LINC00305: variants seen among roughly 807,000 people sequenced by gnomAD.
LINC00305 encodes the protein long intergenic non-protein coding RNA 305.
chr18:64,131,214 A>G (rs1251309285), intron 1 of LINC00305, among the ~76,000 whole-genome samples: 1 of 152,222 alleles, frequency 6.6e-6, no homozygotes, highest in Admixed American at 6.5e-5. Flanking sequence ...AAACAACTTG[A>G]ATAATATTCA....
chr18:64,084,316 T>C (rs990409070), intron 3 of LINC00305, among the ~76,000 whole-genome samples: 1 of 152,160 alleles, frequency 6.6e-6, no homozygotes, highest in East Asian at 1.9e-4. Context: ...TTAAGCTGTA[T>C]GCAGTGAGTA....
chr18:64,101,693 GCTT>G (rs2051268504), intron 1 of LINC00305, among the ~76,000 whole-genome samples: 1 of 152,114 alleles, frequency 6.6e-6, no homozygotes, highest in Non-Finnish European at 1.5e-5. Context: ...TGGGTGGAAA[GCTT>G]CTTCTGGAAG....
chr18:64,129,701 T>A (rs570487989), intron 1 of LINC00305, among the ~76,000 whole-genome samples: 1 of 152,166 alleles, frequency 6.6e-6, no homozygotes, highest in Non-Finnish European at 1.5e-5. Flanking sequence ...ATATCCATTA[T>A]AATATTATTC....
At chr18:64,095,095 A>G (rs535489643) in intron 3 of LINC00305, among the ~76,000 whole-genome samples, 2 of 152,212 alleles carry the variant, frequency 1.3e-5, no homozygotes, top group South Asian at 4.1e-4. Flanking sequence ...CTTTACTAAA[A>G]GGGCAAAGCA....
intron 1 of LINC00305, among the ~76,000 whole-genome samples, chr18:64,100,067 A>C (rs961866586): frequency 3.3e-5 from 5 of 152,194 alleles, no homozygotes; most frequent in African/African-American, 9.7e-5. Context: ...TTTTTAAAGA[A>C]AGACTTAATA....
intron 3 of LINC00305, among the ~76,000 whole-genome samples, chr18:64,092,861 G>T (rs995203494): frequency 7.9e-5 from 12 of 152,148 alleles, no homozygotes; most frequent in African/African-American, 2.9e-4. Flanking sequence ...ATGTACTTGG[G>T]GTGATTTTGA....
At chr18:64,143,576 G>GTATATGTACATA (rs1568120078) in intron 1 of LINC00305, among the ~76,000 whole-genome samples, 1 of 17,398 alleles carries the variant, frequency 5.7e-5, no homozygotes. Context: ...ATACACATAT[G>GTATATGTACATA]TATATGTACA....
Position 64,089,435 on chromosome 18 carries a change from G to A in LINC00305, n.540+8399C>T, listed in dbSNP as rs181935488. On this transcript the variant is annotated intron_variant and non_coding_transcript_variant, in intron 3 of 3. Coordinates refer to ENST00000666468, the Ensembl canonical transcript of LINC00305. ...ATCCAGTCTCAGGTAGTATATAGCA[G>A]TGTGAAAATGGACTAATACAGAGAC... is the stretch of plus-strand genomic sequence containing the variant. Among the ~76,000 whole-genome samples, 9 of 152,292 alleles carry A rather than the reference G, an allele frequency of 5.9e-5. 1 individual carries two copies. Among genetic ancestry groups the A allele is most frequent in the African/African-American group, 2.2e-4 (9 of 41,562 alleles).
intron 1 of LINC00305, among the ~76,000 whole-genome samples, chr18:64,140,659 T>C (rs1273089640): frequency 6.6e-6 from 1 of 152,182 alleles, no homozygotes; most frequent in East Asian, 1.9e-4. Context: ...GCCTGAGACA[T>C]CCACGTGGTC....
chr18:64,088,274 T>C (rs2051211932), intron 3 of LINC00305, among the ~76,000 whole-genome samples: 1 of 152,232 alleles, frequency 6.6e-6, no homozygotes, highest in Non-Finnish European at 1.5e-5. Flanking sequence ...GACCAATAAT[T>C]TCATATGACC....
At chr18:64,125,679 C>A (rs1187003371) in intron 1 of LINC00305, among the ~76,000 whole-genome samples, 4 of 152,122 alleles carry the variant, frequency 2.6e-5, no homozygotes, top group Admixed American at 6.6e-5. Flanking sequence ...TTTCCTCAAT[C>A]CTTTTACAGT....
intron 1 of LINC00305, among the ~76,000 whole-genome samples, chr18:64,123,628 T>A (rs893806916): frequency 6.6e-6 from 1 of 152,074 alleles, no homozygotes; most frequent in African/African-American, 2.4e-5. Context: ...TATTTTTTTT[T>A]AAGAATGCTC....
intron 1 of LINC00305, chr18:64,098,732 C>G (rs2051256842): frequency 2.8e-6 from 1 of 351,434 alleles, no homozygotes; most frequent in Non-Finnish European, 5.6e-6. Flanking sequence ...AAAAGTCCCC[C>G]ATTCTTCTGT....
intron 1 of LINC00305, among the ~76,000 whole-genome samples, chr18:64,106,559 C>T (rs867507992): frequency 6.6e-6 from 1 of 152,150 alleles, no homozygotes; most frequent in South Asian, 2.1e-4. Flanking sequence ...TGGGTTCTAT[C>T]ATGACACTTG....
At chr18:64,081,709 A>C (rs558059664) in intron 3 of LINC00305, among the ~76,000 whole-genome samples, 2 of 152,226 alleles carry the variant, frequency 1.3e-5, no homozygotes, top group South Asian at 2.1e-4. Context: ...TAAGTACTTA[A>C]GAAGTTCAAT....
chr18:64,086,213 A>T (rs1457825102), intron 3 of LINC00305, among the ~76,000 whole-genome samples: 1 of 152,218 alleles, frequency 6.6e-6, no homozygotes, highest in African/African-American at 2.4e-5. Flanking sequence ...GTCATAATAA[A>T]TATAACTATT....
At chr18:64,097,802 A>G (rs1311100001) in intron 3 of LINC00305, 2 of 448,076 alleles carry the variant, frequency 4.5e-6, no homozygotes, top group East Asian at 1.4e-4. Context: ...ATAACTTAAA[A>G]AACTTTTTGT....
intron 1 of LINC00305, among the ~76,000 whole-genome samples, chr18:64,124,777 C>T (rs547164561): frequency 3.9e-5 from 6 of 152,004 alleles, no homozygotes; most frequent in Non-Finnish European, 7.4e-5. Flanking sequence ...TCACATCTAC[C>T]TTTGTGAGGT....
intron 1 of LINC00305, among the ~76,000 whole-genome samples, chr18:64,145,993 C>G (rs2051496034): frequency 6.6e-6 from 1 of 151,834 alleles, no homozygotes; most frequent in Non-Finnish European, 1.5e-5. Context: ...ACTTATTAGT[C>G]ATTCCAAAAA....
Sources: gnomAD v4.1 joint callset for allele counts (sites outside exome capture counted in the v4.1 genomes callset) on GRCh38, gnomAD v4.1.1 for gene constraint, MANE v1.5 for transcripts, NCBI Gene and HGNC (gene_info 2026-07-23, HGNC 2026-07-21) for gene names.